TGIF1: variants seen among roughly 807,000 people sequenced by gnomAD.
TGIF1 encodes the protein homeobox protein TGIF1.
TGIF1 carries 4 observed loss-of-function variants against 19.3 expected under a neutral mutation model. The observed-to-expected ratio is 0.21, with a 90% CI of 0.10 to 0.47. TGIF1 has a LOEUF of 0.47. Among genes scored for constraint, TGIF1 ranks in the 20% least tolerant of loss-of-function variants. The pLI is 0.98. For synonymous variants in TGIF1, 122 were observed against 129.3 expected (o/e 0.94, Z 0.38); for missense variants, 275 against 341.4 (o/e 0.81, Z 1.53).
At position 3,422,696 on chromosome 18, in the gene TGIF1, T is replaced by G. The variant is rs1220108487; in HGVS notation, c.-45+4481T>G. Among the ~76,000 whole-genome samples, 740 of 137,102 alleles carry G rather than the reference T, an allele frequency of 5.4e-3. 22 individuals are homozygous for G. The highest frequency in any genetic ancestry group is 0.019 in the African/African-American group (695 of 36,900). The allele number at this position is 137,102 out of a possible 152,430, so 89.9% of individuals were successfully genotyped here. ...GCCTTTTTTTTTTTTTTTTTTTTTTTTTTTTTTTTTTTGAGACAGAGTCTG... is the reference window on the plus strand; with the variant it reads ...GCCTTTTTTTTTTTTTTTTTTTTTTGTTTTTTTTTTTTGAGACAGAGTCTG... On this transcript the variant is annotated intron_variant, in intron 2 of 3. Transcript: ENST00000401449.
intron 2 of TGIF1, among the ~76,000 whole-genome samples, chr18:3,422,675 T>TTTTTGTTTTTTTG (rs1333397822): frequency 4.4e-5 from 1 of 22,766 alleles, no homozygotes. Flanking sequence ...TAGGTGGCCT[T>TTTTTGTTTTTTTG]TTTTTTTTTT....
chr18:3,449,005 T>C (rs1261296121), upstream of TGIF1, among the ~76,000 whole-genome samples: 1 of 152,096 alleles, frequency 6.6e-6, no homozygotes, highest in African/African-American at 2.4e-5. Flanking sequence ...TTGTGTGGCA[T>C]GTGACAGTTC....
intron 1 of TGIF1, among the ~76,000 whole-genome samples, chr18:3,450,914 C>CCGGGGCCG (rs1196429317): frequency 3.9e-5 from 6 of 152,056 alleles, no homozygotes; most frequent in Non-Finnish European, 8.8e-5. Context: ...ACCCAGGCGG[C>CCGGGGCCG]CGGGGCCGCG....
chr18:3,456,111 TAATG>T lies in TGIF1; in HGVS notation c.17-239_17-236del. ...ATCATTCAAAAGGAATGTGAGAAGT[TAATG>T]AATCCTAGAGGAAAGCGGCTGAGAA... On this transcript the variant is annotated intron_variant, in intron 1 of 2. Coordinates refer to ENST00000343820, the MANE Select transcript of TGIF1 (RefSeq NM_003244.4). This position sits in a 1 kb window ranked among gnomAD's most constrained non-coding sequence, Gnocchi z 4.2. The T allele has an allele frequency of 1.8e-6, 1 of 566,988 alleles. No individual in the cohort carries two copies. The highest frequency in any genetic ancestry group is 3.1e-5 in the East Asian group (1 of 32,626). 35.1% of individuals were successfully genotyped at this position (566,988 alleles called of 1,614,324 possible). A position where few individuals can be genotyped will look rare whatever the true frequency, so the allele number is the denominator to read the frequency against.
chr18:3,454,661 C>T (rs1479861439), intron 1 of TGIF1, among the ~76,000 whole-genome samples: 1 of 152,130 alleles, frequency 6.6e-6, no homozygotes, highest in Non-Finnish European at 1.5e-5. Flanking sequence ...TTTAAATGGG[C>T]ACTTTTAAAA....
At chr18:3,417,317 G>A (rs369830591) in intron 1 of TGIF1, among the ~76,000 whole-genome samples, 2 of 152,112 alleles carry the variant, frequency 1.3e-5, no homozygotes, top group South Asian at 2.1e-4. Flanking sequence ...GAGCCACCGC[G>A]TCCGGCTAAT....
In TGIF1 at chr18:3,459,657, A is replaced by C. The variant is rs1186783085; in HGVS notation, c.*1717A>C. Reference sequence around the variant, plus strand: ...TTAGTATAGATGAGGGAAATGAGCAAGTCCTAAAAGGTTTGCCCTGTTACG... The same window carrying C: ...TTAGTATAGATGAGGGAAATGAGCACGTCCTAAAAGGTTTGCCCTGTTACG... On this transcript the variant is annotated 3_prime_UTR_variant, in exon 3 of 3. Transcript: ENST00000343820. 6.6e-6 allele frequency: 1 copy of C among 152,258 alleles called. No individual in the cohort carries two copies. The highest frequency in any genetic ancestry group is 1.5e-5 in the Non-Finnish European group (1 of 68,050). The allele number at this position is 152,258 out of a possible 1,614,324, so 9.4% of individuals were successfully genotyped here.
chr18:3,450,166 TCTCTCA>T, exon 1 of TGIF1: 1 of 1,280,184 alleles, frequency 7.8e-7, no homozygotes, highest in Non-Finnish European at 9.9e-7. Context: ...CCTCCTCGCC[TCTCTCA>T]CTCTGACAGC....
upstream of TGIF1, chr18:3,449,737 G>C (rs2082839940): frequency 2.0e-6 from 2 of 985,522 alleles, no homozygotes; most frequent in African/African-American, 3.5e-5. Context: ...GCTAGAGCAG[G>C]GCCAGTAGAG....
At chr18:3,449,510 G>A, upstream of TGIF1, 4 of 985,506 alleles carry the variant, frequency 4.1e-6, no homozygotes, top group Non-Finnish European at 4.8e-6. Context: ...CGGGGGAACA[G>A]ACGTTCGTTT....
rs937606793 is a variant in TGIF1, at chr18:3,459,507, A to T, written c.*1567A>T. 2 of 152,190 alleles carry T rather than the reference A, an allele frequency of 1.3e-5. No individual in the cohort carries two copies. The highest frequency in any genetic ancestry group is 4.8e-5 in the African/African-American group (2 of 41,448). 9.4% of individuals were successfully genotyped at this position (152,190 alleles called of 1,614,324 possible). Reference sequence around the variant, plus strand: ...CAGAGAGTCACAGAAATAGACAAAAACCCAAAAAGTACTAGTAAAGTAAAT... The same window carrying T: ...CAGAGAGTCACAGAAATAGACAAAATCCCAAAAAGTACTAGTAAAGTAAAT... On this transcript the variant is annotated 3_prime_UTR_variant, in exon 3 of 3. Transcript: ENST00000343820.
At chr18:3,422,852 A>G (rs542953061) in intron 2 of TGIF1, among the ~76,000 whole-genome samples, 121 of 151,714 alleles carry the variant, frequency 8.0e-4, no homozygotes, top group East Asian at 2.3e-3. Flanking sequence ...CACCACGCCC[A>G]GCTAATTTTT....
chr18:3,438,606 C>T (rs967456788), intron 2 of TGIF1, among the ~76,000 whole-genome samples: 7 of 151,360 alleles, frequency 4.6e-5, no homozygotes, highest in African/African-American at 1.7e-4. Flanking sequence ...AACACACACA[C>T]ACACACACAC....
rs1210135385 is a variant in TGIF1, at chr18:3,417,300, C to T, written c.-117-843C>T. Among the ~76,000 whole-genome samples the T allele has an allele frequency of 1.3e-5, 2 of 152,126 alleles. 1 individual carries two copies. Among genetic ancestry groups the T allele is most frequent in the Middle Eastern group, 6.3e-3 (2 of 316 alleles). On this transcript the variant is annotated intron_variant, in intron 1 of 3. Coordinates refer to the TGIF1 transcript ENST00000401449. ...TCAGCCTCCCGAGTAGCTGGGACTA[C>T]AGGCATGAGCCACCGCGTCCGGCTA...
At chr18:3,430,145 A>T (rs2082528641) in intron 2 of TGIF1, among the ~76,000 whole-genome samples, 2 of 152,208 alleles carry the variant, frequency 1.3e-5, no homozygotes, top group Admixed American at 1.3e-4. Context: ...ACAGAGTAAG[A>T]CTGTCTCAAC....
intron 2 of TGIF1, among the ~76,000 whole-genome samples, chr18:3,421,268 T>C (rs2082393657): frequency 6.7e-6 from 1 of 148,368 alleles, no homozygotes; most frequent in East Asian, 1.9e-4. Context: ...AAAATATATA[T>C]ATATTTGAGA....
At chr18:3,433,073 C>CT (rs925733282) in intron 2 of TGIF1, among the ~76,000 whole-genome samples, 4,093 of 138,950 alleles carry the variant, frequency 0.029, 172 homozygotes, top group African/African-American at 0.1. Context: ...TCTTCTTCTT[C>CT]TTTTTTTTTT....
chr18:3,439,012 T>C (rs1443972386), intron 2 of TGIF1, among the ~76,000 whole-genome samples: 1 of 152,182 alleles, frequency 6.6e-6, no homozygotes, highest in African/African-American at 2.4e-5. Context: ...GCCCCATTAG[T>C]AAACAAATCA....
intron 1 of TGIF1, chr18:3,452,143 G>A: frequency 6.2e-7 from 1 of 1,613,802 alleles, no homozygotes; most frequent in Non-Finnish European, 8.5e-7. Flanking sequence ...CTCTCCCGCG[G>A]CACTTTGGCC....
Sources: gnomAD v4.1 joint callset for allele counts (sites outside exome capture counted in the v4.1 genomes callset) on GRCh38, gnomAD v4.1.1 for gene constraint, Gnocchi (gnomAD v3.1) non-coding constraint, MANE v1.5 for transcripts, NCBI Gene and HGNC (gene_info 2026-07-23, HGNC 2026-07-21) for gene names.